Variants in C2orf42 observed in about 807,000 individuals in gnomAD.
The protein encoded by C2orf42 is chromosome 2 open reading frame 42, also known as uncharacterized protein C2orf42.
In C2orf42, 44 loss-of-function variants were observed where a neutral mutation model predicts 58.9. The observed-to-expected ratio is 0.75, with a 90% CI of 0.59 to 0.96. The LOEUF is 0.96. C2orf42 is among the 40% of genes least tolerant of loss of function. C2orf42 has a pLI of 0.00. For missense variants in C2orf42, 630 were observed against 699.2 expected (o/e 0.90, Z 1.12); for synonymous variants, 239 against 265.4 (o/e 0.90, Z 0.97).
At chr2:70,154,002 G>A (rs1209989794) in intron 9 of C2orf42, among the ~76,000 whole-genome samples, 3 of 150,700 alleles carry the variant, frequency 2.0e-5, no homozygotes, top group Non-Finnish European at 4.4e-5. Context: ...GCAGTGAGCC[G>A]AGATCGCGCC....
At position 70,176,279 on chromosome 2, in the gene C2orf42, C is replaced by T. The variant is rs536206248; in HGVS notation, c.935-502G>A. 1.1e-4 allele frequency among the ~76,000 whole-genome samples: 17 copies of T among 152,244 alleles called. No individual in the cohort carries two copies. The East Asian group carries it at 3.1e-3, about 28-fold the overall frequency. ...CAGCACTTTGGGAGGCCCAGGTGGG[C>T]TGATCATGAAGTCAGGAGCTTGAGA... On this transcript the variant is annotated intron_variant, in intron 4 of 9. Transcript: ENST00000264434.
chr2:70,179,914 G>A (rs2103620630), intron 3 of C2orf42, among the ~76,000 whole-genome samples: 1 of 152,208 alleles, frequency 6.6e-6, no homozygotes, highest in South Asian at 2.1e-4. Context: ...ATGCCAGCCT[G>A]GGCGACAGAG....
At position 70,181,787 on chromosome 2, in the gene C2orf42, T is replaced by C; in HGVS notation, c.199A>G (p.Ile67Val). The C allele has an allele frequency of 6.2e-7, 1 of 1,614,144 alleles. No homozygotes were observed. Among genetic ancestry groups the C allele is most frequent in the Admixed American group, 1.7e-5 (1 of 60,016 alleles). The change falls in exon 3 of 10, where the codon ATT (isoleucine) becomes GTT (valine). Residue 67 changes from isoleucine (I) to valine (V), a missense_variant. Transcript: ENST00000264434. The stretch of plus-strand genomic sequence containing the variant: ...TAGACCTGAAGATCAGAGCCTGTAA[T>C]GATTTTGACAGCTTCAACACTAGGC... Reference protein sequence around the residue: ...KQPSVEAVKIITGSDLQVYSV... With the variant: ...KQPSVEAVKIVTGSDLQVYSV...
intron 9 of C2orf42, among the ~76,000 whole-genome samples, chr2:70,154,810 T>C (rs1166618043): frequency 6.6e-6 from 1 of 152,066 alleles, no homozygotes; most frequent in Non-Finnish European, 1.5e-5. Flanking sequence ...GGCTGGAGCG[T>C]AGTGACACAA....
chr2:70,174,474 G>A (rs1250656123), intron 5 of C2orf42, among the ~76,000 whole-genome samples: 1 of 152,096 alleles, frequency 6.6e-6, no homozygotes, highest in Non-Finnish European at 1.5e-5. Flanking sequence ...AAAATGACAT[G>A]GTTACAATCT....
chr2:70,165,951 C>T (rs939292449), intron 6 of C2orf42, among the ~76,000 whole-genome samples: 1 of 151,882 alleles, frequency 6.6e-6, no homozygotes, highest in Non-Finnish European at 1.5e-5. Context: ...AGTGCAATGG[C>T]ATGATCTCGG....
chr2:70,165,049 T>C (rs758427783), intron 8 of C2orf42, 43 bp downstream of exon 8: 1 of 1,071,770 alleles, frequency 9.3e-7, no homozygotes, highest in East Asian at 2.4e-5. Flanking sequence ...CCTCCCTCTC[T>C]TCCCTTCACA....
intron 3 of C2orf42, among the ~76,000 whole-genome samples, chr2:70,180,684 T>A (rs1421855198): frequency 6.6e-6 from 1 of 150,544 alleles, no homozygotes; most frequent in Non-Finnish European, 1.5e-5. Flanking sequence ...CCAACCTTTA[T>A]GCAAGTGTGC....
At chr2:70,165,227 A>G (rs1673318615) in intron 7 of C2orf42, 35 bp from the exon 8 acceptor site, 1 of 1,167,344 alleles carries the variant, frequency 8.6e-7, no homozygotes, top group Non-Finnish European at 1.3e-6. Context: ...TTAGATTACC[A>G]AAAAATAACA....
At chr2:70,187,042 A>G (rs1674985337) in intron 1 of C2orf42, among the ~76,000 whole-genome samples, 1 of 152,100 alleles carries the variant, frequency 6.6e-6, no homozygotes, top group Non-Finnish European at 1.5e-5. Context: ...AGCATGGCAC[A>G]TGTATACATA....
chr2:70,184,336 C>T (rs763121334), intron 1 of C2orf42, among the ~76,000 whole-genome samples: 24 of 151,958 alleles, frequency 1.6e-4, no homozygotes, highest in Non-Finnish European at 1.9e-4. Context: ...AAGCAATTCT[C>T]TGGCTAATTT....
chr2:70,157,724 G>A (rs1279488072), intron 9 of C2orf42, among the ~76,000 whole-genome samples: 1 of 151,884 alleles, frequency 6.6e-6, no homozygotes, highest in African/African-American at 2.4e-5. Context: ...TTGAACCCGG[G>A]AGGCGGAGGT....
chr2:70,158,178 GAC>G (rs1672806277), intron 9 of C2orf42, among the ~76,000 whole-genome samples: 2 of 148,182 alleles, frequency 1.3e-5, no homozygotes, highest in East Asian at 3.9e-4. Flanking sequence ...CAGCCTGAGC[GAC>G]AGAGTGAGAC....
At chr2:70,179,869 G>GT (rs1331627439) in intron 3 of C2orf42, among the ~76,000 whole-genome samples, 1 of 151,972 alleles carries the variant, frequency 6.6e-6, no homozygotes, top group Non-Finnish European at 1.5e-5. Flanking sequence ...GCCCAGGAGG[G>GT]TCAAGGCTGT....
At chr2:70,170,896 A>ACC (rs1673765052) in intron 5 of C2orf42, among the ~76,000 whole-genome samples, 1 of 151,964 alleles carries the variant, frequency 6.6e-6, no homozygotes, top group South Asian at 2.1e-4. Flanking sequence ...CGGGTGGATC[A>ACC]TGAGGTCAGG....
intron 6 of C2orf42, among the ~76,000 whole-genome samples, chr2:70,168,653 G>A (rs557543326): frequency 1.3e-5 from 2 of 151,190 alleles, no homozygotes; most frequent in African/African-American, 4.9e-5. Context: ...GACGTTCCAT[G>A]AGACTATAAC....
In C2orf42 at chr2:70,181,753, C is replaced by A; in HGVS notation, c.233G>T (p.Arg78Leu). The change falls in exon 3 of 10, where the codon CGG (arginine) becomes CTG (leucine). Residue 78 changes from arginine to leucine, a missense_variant. Transcript: ENST00000264434. The part of the protein sequence containing the change: ...TGSDLQVYSV[R>L]QRDRGPDYRC... ...GTAATCAGGGCCCCGGTCTCTTTGC[C>A]GCACTGAGTAGACCTGAAGATCAGA... 1 of 1,614,126 alleles carries A rather than the reference C, an allele frequency of 6.2e-7. No individual in the cohort carries two copies. Among genetic ancestry groups the A allele is most frequent in the Non-Finnish European group, 8.5e-7 (1 of 1,180,014 alleles).
chr2:70,190,912 C>G (rs1036454458), intron 1 of C2orf42, 61 bp downstream of exon 1: 6 of 152,468 alleles, frequency 3.9e-5, no homozygotes, highest in Non-Finnish European at 8.8e-5. Flanking sequence ...AGCACTACCC[C>G]CTTACCTGCC....
In C2orf42 at chr2:70,150,366, G is replaced by A. The variant is rs747481953; in HGVS notation, c.1715C>T (p.Thr572Ile). The change falls in exon 10 of 10, where the codon ACT becomes ATT. Residue 572 changes from threonine (T) to isoleucine (I), a missense_variant. By Grantham distance (89) the Thr-to-Ile change is moderately conservative. Coordinates refer to ENST00000264434, the MANE Select transcript of C2orf42 (RefSeq NM_017880.3). Reference protein sequence around the residue: ...PLELAPLTTITFP With the variant: ...PLELAPLTTIIFP ...TTATCTTGTTTTGCTTTAAGGGAAA[G>A]TAATAGTGGTCAGAGGGGCCAGTTC... The A allele has an allele frequency of 3.1e-6, 5 of 1,613,636 alleles. No homozygotes were observed. Among genetic ancestry groups the A allele is most frequent in the Non-Finnish European group, 4.2e-6 (5 of 1,179,850 alleles).
Sources: gnomAD v4.1 joint callset for allele counts (sites outside exome capture counted in the v4.1 genomes callset) on GRCh38, gnomAD v4.1.1 for gene constraint, MANE v1.5 for transcripts, NCBI Gene and HGNC (gene_info 2026-07-23, HGNC 2026-07-21) for gene names.